Variants in GABRA1 observed in about 807,000 individuals in gnomAD.
The protein encoded by GABRA1 is gamma-aminobutyric acid receptor subunit alpha-1.
Under a neutral mutation model 48.9 loss-of-function variants are expected in GABRA1, and 9 were observed. The ratio of observed to expected loss-of-function variants is 0.18; its 90% CI spans 0.11 to 0.32. The LOEUF (loss-of-function observed/expected upper bound fraction) is 0.32. Among genes scored for constraint, GABRA1 ranks in the 10% least tolerant of loss-of-function variants. The pLI is 1.00. For missense variants in GABRA1, 285 were observed against 553.8 expected (o/e 0.51, Z 4.87); for synonymous variants, 210 against 198.7 (o/e 1.06, Z -0.48).
At chr5:161,855,646 A>C (rs1757618112) in intron 3 of GABRA1, among the ~76,000 whole-genome samples, 1 of 150,696 alleles carries the variant, frequency 6.6e-6, no homozygotes, top group Admixed American at 6.6e-5. Flanking sequence ...ATTGGCTTCA[A>C]ATTTTTTTTA....
At chr5:161,890,757 A>G in intron 7 of GABRA1, 141 bp from the exon 8 acceptor site, 1 of 748,860 alleles carries the variant, frequency 1.3e-6, no homozygotes, top group Non-Finnish European at 2.3e-6. Context: ...TCTGGATAAA[A>G]ACTTTTCCCT....
intron 4 of GABRA1, among the ~76,000 whole-genome samples, chr5:161,868,420 G>GT (rs33919310): frequency 6.6e-5 from 10 of 151,620 alleles, no homozygotes; most frequent in Admixed American, 2.0e-4. Context: ...TAAAATTGAT[G>GT]TTTTTTTTCC....
At chr5:161,877,529 G>A (rs1308835750) in intron 6 of GABRA1, among the ~76,000 whole-genome samples, 1 of 152,086 alleles carries the variant, frequency 6.6e-6, no homozygotes, top group African/African-American at 2.4e-5. Flanking sequence ...GTGATAGAAG[G>A]TAATAGTTGG....
chr5:161,880,399 C>CT (rs1754563279), intron 6 of GABRA1, among the ~76,000 whole-genome samples: 2 of 152,154 alleles, frequency 1.3e-5, no homozygotes, highest in South Asian at 4.1e-4. Context: ...AACTAGTGTG[C>CT]TCTGCCTTCT....
At chr5:161,861,294 CA>C (rs1471513332) in intron 3 of GABRA1, among the ~76,000 whole-genome samples, 1 of 151,722 alleles carries the variant, frequency 6.6e-6, no homozygotes, top group Non-Finnish European at 1.5e-5. Context: ...TATGTTCTCA[CA>C]ACAATTAAAA....
In GABRA1 at chr5:161,889,953, A is replaced by G. The variant is rs187909748; in HGVS notation, c.704-945A>G. ...TCGCACATGTGAAAGATCACTCTACATCAAAATTTAGGAAAAATTGGAGTT... is the reference window on the plus strand; with the variant it reads ...TCGCACATGTGAAAGATCACTCTACGTCAAAATTTAGGAAAAATTGGAGTT... On this transcript the variant is annotated intron_variant, in intron 7 of 9. Coordinates refer to ENST00000393943, the MANE Select transcript of GABRA1 (RefSeq NM_001127644.2). 2.5e-4 allele frequency among the ~76,000 whole-genome samples: 38 copies of G among 152,226 alleles called. 1 individual carries two copies. In the East Asian group the frequency reaches 7.0e-3, roughly 28 times the overall value.
chr5:161,855,657 A>T (rs977250029), intron 3 of GABRA1, among the ~76,000 whole-genome samples: 1 of 151,352 alleles, frequency 6.6e-6, no homozygotes, highest in Non-Finnish European at 1.5e-5. Flanking sequence ...ATTTTTTTTA[A>T]TTTATAAAAT....
At chr5:161,847,292 G>A (rs1757252254), upstream of GABRA1, 1 of 152,118 alleles carries the variant, frequency 6.6e-6, no homozygotes, top group South Asian at 2.1e-4. Flanking sequence ...ATCCGAGAAT[G>A]ATGGAGCTCG....
At chr5:161,865,410 C>T (rs1464049531) in intron 3 of GABRA1, among the ~76,000 whole-genome samples, 1 of 152,022 alleles carries the variant, frequency 6.6e-6, no homozygotes, top group Non-Finnish European at 1.5e-5. Flanking sequence ...AATGTATTTT[C>T]ATTACAATGT....
At chr5:161,881,064 C>G (rs188650537) in intron 6 of GABRA1, among the ~76,000 whole-genome samples, 7 of 152,258 alleles carry the variant, frequency 4.6e-5, no homozygotes, top group Non-Finnish European at 1.5e-5. Context: ...TTCACTTTAT[C>G]TTTGGATTTC....
chr5:161,887,170 A>C (rs1561582610), intron 7 of GABRA1, among the ~76,000 whole-genome samples: 1 of 152,194 alleles, frequency 6.6e-6, no homozygotes, highest in Non-Finnish European at 1.5e-5. Flanking sequence ...TTGGTGAAAA[A>C]GAAAGTTTCT....
chr5:161,899,448 TA>T lies in GABRA1; in HGVS notation c.*2027del, dbSNP rs1755519040. The T allele has an allele frequency of 6.6e-6, 1 of 152,232 alleles. No homozygotes were observed. Among genetic ancestry groups the T allele is most frequent in the African/African-American group, 2.4e-5 (1 of 41,458 alleles). 9.4% of individuals were successfully genotyped at this position (152,232 alleles called of 1,614,324 possible). A position where few individuals can be genotyped will look rare whatever the true frequency, so the allele number is the denominator to read the frequency against. The stretch of plus-strand genomic sequence containing the variant: ...TTTATCTTGTTATTTTTCGGCGTTA[TA>T]CTAATGTGTTTATTGAGAGCATTTT... On this transcript the variant is annotated 3_prime_UTR_variant, in exon 10 of 10. Transcript: ENST00000393943.
At position 161,872,751 on chromosome 5, in the gene GABRA1, T is replaced by C. The variant is rs78595151; in HGVS notation, c.256-366T>C. ...GTCTAATTTAAACATTTTTTTCCTG[T>C]GCATAATACCCTCTAACATGAGTTT... On this transcript the variant is annotated intron_variant, in intron 4 of 9. Coordinates refer to ENST00000393943, the MANE Select transcript of GABRA1 (RefSeq NM_001127644.2). 7.3e-3 allele frequency among the ~76,000 whole-genome samples: 1,111 copies of C among 152,292 alleles called. 49 individuals carry two copies. In the East Asian group the frequency reaches 0.13, roughly 18 times the overall value.
At chr5:161,866,462 A>G (rs1440341239) in intron 4 of GABRA1, among the ~76,000 whole-genome samples, 1 of 152,094 alleles carries the variant, frequency 6.6e-6, no homozygotes, top group Non-Finnish European at 1.5e-5. Flanking sequence ...GGTTCTATAT[A>G]AGCAAAACAT....
chr5:161,868,049 A>G lies in GABRA1; in HGVS notation c.255+2261A>G, dbSNP rs112941183. 7.1e-3 allele frequency among the ~76,000 whole-genome samples: 834 copies of G among 117,246 alleles called. 5 individuals are homozygous for G. The highest frequency in any genetic ancestry group is 0.026 in the African/African-American group (770 of 29,076). 76.9% of individuals were successfully genotyped at this position (117,246 alleles called of 152,430 possible). A position where few individuals can be genotyped will look rare whatever the true frequency, so the allele number is the denominator to read the frequency against. ...ATAGGTTTAGGAGCCTATAATATTA[A>G]AAAAAAAATGAGGTCTTGTGGGACC... On this transcript the variant is annotated intron_variant, in intron 4 of 9. Coordinates refer to ENST00000393943, the MANE Select transcript of GABRA1 (RefSeq NM_001127644.2).
intron 4 of GABRA1, 65 bp from the exon 5 acceptor site, chr5:161,873,052 C>A (rs569662373): frequency 2.4e-6 from 3 of 1,242,988 alleles, no homozygotes; most frequent in East Asian, 2.3e-5. Flanking sequence ...GCACTGTCTG[C>A]GTTAGATATT....
chr5:161,887,246 GAC>G lies in GABRA1; in HGVS notation c.704-3648_704-3647del, dbSNP rs140789049. 7.2e-5 allele frequency among the ~76,000 whole-genome samples: 11 copies of G among 151,944 alleles called. No homozygotes were observed. In the East Asian group the frequency reaches 9.7e-4, roughly 13 times the overall value. On this transcript the variant is annotated intron_variant, in intron 7 of 9. Transcript: ENST00000393943. ...AAACATTGTAGTATTCTCTTTTTTG[GAC>G]ACAGAGTCGTCTCTGCATGAGTTGA... is the stretch of plus-strand genomic sequence containing the variant.
At chr5:161,886,337 T>A (rs1754845709) in intron 7 of GABRA1, among the ~76,000 whole-genome samples, 1 of 132,052 alleles carries the variant, frequency 7.6e-6, no homozygotes, top group African/African-American at 3.0e-5. Context: ...ACAAGTGTTT[T>A]AATTTTTATG....
At chr5:161,886,465 T>C (rs1355816421) in intron 7 of GABRA1, among the ~76,000 whole-genome samples, 1 of 151,984 alleles carries the variant, frequency 6.6e-6, no homozygotes, top group Non-Finnish European at 1.5e-5. Context: ...AAGTGTCCGA[T>C]ATTACTATTA....
Sources: gnomAD v4.1 joint callset for allele counts (sites outside exome capture counted in the v4.1 genomes callset) on GRCh38, gnomAD v4.1.1 for gene constraint, MANE v1.5 for transcripts, NCBI Gene and HGNC (gene_info 2026-07-23, HGNC 2026-07-21) for gene names.